The following GNG7 variants were observed in gnomAD, a reference collection of about 807,000 sequenced individuals.
GNG7 encodes G protein subunit gamma 7.
In GNG7, 1 loss-of-function variant was observed where a neutral mutation model predicts 4.0. The observed-to-expected ratio is 0.25, with a 90% CI of 0.09 to 1.18. The LOEUF (loss-of-function observed/expected upper bound fraction) is 1.18. GNG7 is among the 50% of genes most tolerant of loss of function. GNG7 has a pLI of 0.50. For missense variants in GNG7, 86 were observed against 91.9 expected (o/e 0.94, Z 0.26); for synonymous variants, 34 against 36.9 (o/e 0.92, Z 0.29).
intron 2 of GNG7, chr19:2,643,680 G>A (rs1284009475): frequency 2.2e-6 from 1 of 455,672 alleles, no homozygotes; most frequent in Non-Finnish European, 4.4e-6. Flanking sequence ...TTCGGGCTGA[G>A]CTTTTCTGTT....
chr19:2,648,880 TTTTG>T, intron 1 of GNG7, among the ~76,000 whole-genome samples: 1 of 151,612 alleles, frequency 6.6e-6, no homozygotes, highest in East Asian at 1.9e-4. Context: ...GTGTTTTTTT[TTTTG>T]TTTTTTGTTT....
chr19:2,676,149 A>C (rs898262104), intron 1 of GNG7, among the ~76,000 whole-genome samples: 1 of 152,230 alleles, frequency 6.6e-6, no homozygotes, highest in Non-Finnish European at 1.5e-5. Context: ...AAGAGGCAGG[A>C]AGGATCCTCC....
chr19:2,610,978 G>C (rs1276661129), intron 2 of GNG7: 1 of 124,280 alleles, frequency 8.0e-6, no homozygotes, highest in Non-Finnish European at 1.7e-5. Flanking sequence ...GGGTGGGAGG[G>C]GGGGAACGGG....
intron 3 of GNG7, among the ~76,000 whole-genome samples, chr19:2,527,910 T>TAACG (rs1413681508): frequency 6.6e-6 from 1 of 152,128 alleles, no homozygotes; most frequent in African/African-American, 2.4e-5. Context: ...TCAGAGTGGT[T>TAACG]CCCTTAGGCA....
At chr19:2,605,986 A>G (rs1211536984) in intron 2 of GNG7, among the ~76,000 whole-genome samples, 1 of 152,184 alleles carries the variant, frequency 6.6e-6, no homozygotes, top group East Asian at 1.9e-4. Flanking sequence ...GGCATTACTC[A>G]CACGACATAC....
intron 2 of GNG7, among the ~76,000 whole-genome samples, chr19:2,566,346 G>A (rs1164873504): frequency 6.6e-6 from 1 of 152,094 alleles, no homozygotes; most frequent in Non-Finnish European, 1.5e-5. Context: ...GTGGCCCTGG[G>A]ATGGATTCTC....
intron 2 of GNG7, among the ~76,000 whole-genome samples, chr19:2,592,575 A>C (rs1980875707): frequency 6.6e-6 from 1 of 151,794 alleles, no homozygotes; most frequent in Admixed American, 6.6e-5. Context: ...TCTCTAGAAA[A>C]AATTTTTAAA....
chr19:2,693,825 C>T (rs116420551), intron 1 of GNG7, among the ~76,000 whole-genome samples: 1,866 of 152,146 alleles, frequency 0.012, 55 homozygotes, highest in African/African-American at 0.042. Context: ...CAGATAAATG[C>T]GTCAAGGGTT....
chr19:2,522,095 G>C (rs928276209), intron 3 of GNG7, among the ~76,000 whole-genome samples: 5 of 152,118 alleles, frequency 3.3e-5, no homozygotes, highest in African/African-American at 1.2e-4. Context: ...TGATGTCTGG[G>C]ACATTTGTGG....
rs925691909 is a variant in GNG7 at position 2,569,283 on chromosome 19, C to CT, written c.-77-14096dup. ...CTCCATTCTCTCTCTCTCTCTCTTT[C>CT]TTTTTTTTGTGAGACAGAGTCTCGC... On this transcript the variant is annotated intron_variant, in intron 2 of 4. Transcript: ENST00000382159. Among the ~76,000 whole-genome samples the CT allele has an allele frequency of 1.4e-4, 21 of 151,026 alleles. No individual in the cohort carries two copies. The South Asian group carries it at 1.5e-3, about 11-fold the overall frequency.
At chr19:2,643,524 C>T in intron 2 of GNG7, 1 of 385,508 alleles carries the variant, frequency 2.6e-6, no homozygotes, top group Non-Finnish European at 5.0e-6. Context: ...GCACACCTTC[C>T]GGCCCTGCAC....
intron 2 of GNG7, among the ~76,000 whole-genome samples, chr19:2,606,109 T>G (rs911456034): frequency 6.6e-6 from 1 of 152,142 alleles, no homozygotes. Context: ...AGAGGCTGGG[T>G]GGCTCACGCC....
In GNG7 at chr19:2,576,136, G is replaced by C. The variant is rs565213862; in HGVS notation, c.-77-20948C>G. On this transcript the variant is annotated intron_variant, in intron 2 of 4. Transcript: ENST00000382159. ...ACACAGATGCATGCAGACACACACA[G>C]ACACATGCGGCACGGGCACGTGCTC... is the stretch of plus-strand genomic sequence containing the variant. Among the ~76,000 whole-genome samples, 22 of 152,158 alleles carry C rather than the reference G, an allele frequency of 1.4e-4. 1 individual carries two copies. The highest frequency in any genetic ancestry group is 5.3e-4 in the African/African-American group (22 of 41,410).
chr19:2,598,585 A>T (rs1981100606), intron 2 of GNG7, among the ~76,000 whole-genome samples: 1 of 151,782 alleles, frequency 6.6e-6, no homozygotes. Context: ...TGAACCCAGG[A>T]GGCAGAGCTT....
At chr19:2,666,421 C>T (rs1188099215) in intron 1 of GNG7, among the ~76,000 whole-genome samples, 1 of 152,224 alleles carries the variant, frequency 6.6e-6, no homozygotes, top group East Asian at 1.9e-4. Flanking sequence ...GATCTGCCCA[C>T]CTCAGCCTCC....
At chr19:2,596,834 C>T (rs945904171) in intron 2 of GNG7, among the ~76,000 whole-genome samples, 1 of 152,188 alleles carries the variant, frequency 6.6e-6, no homozygotes, top group Non-Finnish European at 1.5e-5. Context: ...TACGAGACTT[C>T]TTTACAAATA....
At position 2,633,399 on chromosome 19, in the gene GNG7, C is replaced by T. The variant is rs1411678121; in HGVS notation, c.-78+12825G>A. 6.6e-6 allele frequency among the ~76,000 whole-genome samples: 1 copy of T among 152,048 alleles called. No individual in the cohort carries two copies. The highest frequency in any genetic ancestry group is 1.5e-5 in the Non-Finnish European group (1 of 68,012). On this transcript the variant is annotated intron_variant, in intron 2 of 4. Transcript: ENST00000382159. The surrounding 1 kb of genome is among the most constrained non-coding windows in gnomAD (Gnocchi z 5.9). ...AGGCGGCCAAGGCTCGATGAATCTG[C>T]CGATGACCAAGTTGGTGCCTCATCC...
At chr19:2,644,212 G>A (rs1200179173) in intron 2 of GNG7, among the ~76,000 whole-genome samples, 1 of 151,104 alleles carries the variant, frequency 6.6e-6, no homozygotes, top group African/African-American at 2.4e-5. Flanking sequence ...GTAGAAACGG[G>A]GTTTCGCCAT....
At chr19:2,657,361 A>AAATAAATATAT (rs1555701153) in intron 1 of GNG7, among the ~76,000 whole-genome samples, 1 of 16,342 alleles carries the variant, frequency 6.1e-5, no homozygotes, top group Non-Finnish European at 1.0e-4. Context: ...AAAAAAAAAA[A>AAATAAATATAT]ATATATATAT....
Sources: allele counts gnomAD v4.1 joint callset (sites outside exome capture counted in the v4.1 genomes callset), GRCh38; gene constraint gnomAD v4.1.1; non-coding constraint Gnocchi (gnomAD v3.1); transcripts MANE v1.5; gene names NCBI Gene and HGNC (gene_info 2026-07-23, HGNC 2026-07-21).